Variants in FRK observed in about 807,000 individuals in gnomAD.
FRK encodes the protein tyrosine-protein kinase FRK.
In FRK, 51 loss-of-function variants were observed where a neutral mutation model predicts 56.4. The observed-to-expected ratio is 0.90, with a 90% CI of 0.72 to 1.14. The LOEUF is 1.14. FRK is among the 50% of genes most tolerant of loss of function. The pLI, the probability that FRK is intolerant of heterozygous loss-of-function variation, is 0.00. For synonymous variants in FRK, 245 were observed against 217.9 expected (o/e 1.12, Z -1.10); for missense variants, 570 against 601.4 (o/e 0.95, Z 0.55).
intron 2 of FRK, among the ~76,000 whole-genome samples, chr6:115,986,737 G>A (rs1774411929): frequency 6.6e-6 from 1 of 152,102 alleles, no homozygotes; most frequent in African/African-American, 2.4e-5. Context: ...CTTTCTGAAA[G>A]AGAAAACTGA....
At chr6:116,059,085 G>GTCACTACTAGAATAATCTCCTTT (rs1777511950) in intron 1 of FRK, among the ~76,000 whole-genome samples, 1 of 152,014 alleles carries the variant, frequency 6.6e-6, no homozygotes, top group African/African-American at 2.4e-5. Context: ...TTTGTATTCA[G>GTCACTACTAGAATAATCTCCTTT]TCACTACTAG....
At chr6:116,032,685 T>C (rs1776343334) in intron 1 of FRK, among the ~76,000 whole-genome samples, 3 of 152,136 alleles carry the variant, frequency 2.0e-5, no homozygotes. Flanking sequence ...TTACTGCAAA[T>C]ACATATTCAT....
At chr6:115,981,149 TTTTG>T (rs1774184376) in intron 2 of FRK, among the ~76,000 whole-genome samples, 3 of 152,090 alleles carry the variant, frequency 2.0e-5, no homozygotes. Context: ...TCTCCAGGAT[TTTTG>T]TTTATGGGAG....
chr6:115,986,714 AT>A (rs1774410864), intron 2 of FRK, among the ~76,000 whole-genome samples: 1 of 152,258 alleles, frequency 6.6e-6, no homozygotes, highest in East Asian at 1.9e-4. Context: ...GTGGAGAAAA[AT>A]TATGATCTCT....
chr6:116,080,603 C>G, the FRK span, among the ~76,000 whole-genome samples: 2 of 152,086 alleles, frequency 1.3e-5, no homozygotes, highest in African/African-American at 4.8e-5. Flanking sequence ...TAATTGCAGT[C>G]TAGAAAATAG....
At chr6:116,037,767 A>G (rs1055459820) in intron 1 of FRK, among the ~76,000 whole-genome samples, 1 of 152,000 alleles carries the variant, frequency 6.6e-6, no homozygotes, top group African/African-American at 2.4e-5. Flanking sequence ...TTTATTAAAA[A>G]TTCACCTGCC....
At chr6:116,079,730 C>G in the FRK span, among the ~76,000 whole-genome samples, 1 of 152,082 alleles carries the variant, frequency 6.6e-6, no homozygotes, top group Non-Finnish European at 1.5e-5. Flanking sequence ...GATGGGACTA[C>G]AGACACATGC....
At chr6:115,968,767 A>C (rs774700997) in intron 2 of FRK, 28 bp from the exon 3 acceptor site, 14 of 1,600,958 alleles carry the variant, frequency 8.7e-6, no homozygotes, top group Non-Finnish European at 1.2e-5. Flanking sequence ...TCCTGTTAAT[A>C]AACTTCTTGC....
the FRK span, among the ~76,000 whole-genome samples, chr6:116,077,516 G>A: frequency 6.6e-6 from 1 of 152,132 alleles, no homozygotes; most frequent in East Asian, 1.9e-4. Context: ...ATACATGCAC[G>A]GTGCTAATTC....
In FRK at chr6:116,006,704, T is replaced by C. The variant is rs1775261294; in HGVS notation, c.345-2706A>G. On this transcript the variant is annotated intron_variant, in intron 1 of 7. Coordinates refer to ENST00000606080, the MANE Select transcript of FRK (RefSeq NM_002031.3). ...TGGGCATGGTGGTATGCACCTATAG[T>C]CACAGGAACTCAGGAGACTGAGGCA... Among the ~76,000 whole-genome samples, 3 of 152,174 alleles carry C rather than the reference T, an allele frequency of 2.0e-5. No individual in the cohort carries two copies. The South Asian group carries it at 6.2e-4, about 31-fold the overall frequency.
At chr6:115,991,393 T>A (rs1282543369) in intron 2 of FRK, among the ~76,000 whole-genome samples, 2 of 151,948 alleles carry the variant, frequency 1.3e-5, no homozygotes, top group East Asian at 3.8e-4. Context: ...TTCAGTATGA[T>A]GTTGGCTGTG....
chr6:115,993,767 CTT>C (rs1774711818), intron 2 of FRK, among the ~76,000 whole-genome samples: 1 of 152,068 alleles, frequency 6.6e-6, no homozygotes, highest in South Asian at 2.1e-4. Context: ...AATGTCTCCT[CTT>C]TGTGCATCAT....
chr6:116,037,038 G>A (rs1776511500), intron 1 of FRK, among the ~76,000 whole-genome samples: 1 of 152,068 alleles, frequency 6.6e-6, no homozygotes, highest in African/African-American at 2.4e-5. Context: ...TGTCCTAATG[G>A]AGAATGTCAG....
intron 1 of FRK, among the ~76,000 whole-genome samples, chr6:116,033,743 T>C (rs181786979): frequency 1.2e-4 from 18 of 152,202 alleles, no homozygotes; most frequent in African/African-American, 4.3e-4. Context: ...CTGGAGGATT[T>C]TGAACAGAGA....
chr6:116,073,713 T>C, the FRK span, among the ~76,000 whole-genome samples: 1 of 152,144 alleles, frequency 6.6e-6, no homozygotes, highest in African/African-American at 2.4e-5. Context: ...ATTTTTCAGT[T>C]CATGCAATAA....
At chr6:115,986,370 AGAGCCCAGTC>A (rs1334178584) in intron 2 of FRK, among the ~76,000 whole-genome samples, 2 of 152,142 alleles carry the variant, frequency 1.3e-5, no homozygotes, top group Admixed American at 6.6e-5. Flanking sequence ...TACCTTAGAC[AGAGCCCAGTC>A]GAGCCATGAC....
rs887079267 is a variant in FRK, at chr6:115,938,664, C to T, written c.*3750G>A. The T allele has an allele frequency of 6.6e-6, 1 of 152,106 alleles. No individual in the cohort carries two copies. Among genetic ancestry groups the T allele is most frequent in the Non-Finnish European group, 1.5e-5 (1 of 68,014 alleles). 9.4% of individuals were successfully genotyped at this position (152,106 alleles called of 1,614,324 possible). A position where few individuals can be genotyped will look rare whatever the true frequency, so the allele number is the denominator to read the frequency against. On this transcript the variant is annotated 3_prime_UTR_variant, in exon 8 of 8. Transcript: ENST00000606080. ...GATCACCACTGATCCCACAGAAATA[C>T]AAAATACCATCAGAGATTACTATAA...
intron 1 of FRK, among the ~76,000 whole-genome samples, chr6:116,019,915 C>T (rs768967257): frequency 3.9e-5 from 6 of 152,066 alleles, no homozygotes; most frequent in Non-Finnish European, 8.8e-5. Flanking sequence ...AACATTAACT[C>T]CTATTTGTTA....
intron 1 of FRK, among the ~76,000 whole-genome samples, chr6:116,046,867 AC>A (rs1776985136): frequency 6.6e-6 from 1 of 151,970 alleles, no homozygotes. Flanking sequence ...AGTATACCAG[AC>A]GGAGGGAAAG....
Sources: gnomAD v4.1 joint callset for allele counts (sites outside exome capture counted in the v4.1 genomes callset) on GRCh38, gnomAD v4.1.1 for gene constraint, MANE v1.5 for transcripts, NCBI Gene and HGNC (gene_info 2026-07-23, HGNC 2026-07-21) for gene names.